Variants in CTNNA3 observed in about 807,000 individuals in gnomAD.
CTNNA3 encodes catenin alpha-3.
In CTNNA3, 76 loss-of-function variants were observed where a neutral mutation model predicts 95.7. The ratio of observed to expected loss-of-function variants is 0.79; its 90% confidence interval spans 0.66 to 0.96. The LOEUF (loss-of-function observed/expected upper bound fraction) is 0.96, where lower values mean the gene tolerates loss of function less well. Ranked by LOEUF, CTNNA3 falls within the 40% of genes least tolerant of loss-of-function variation. The probability of loss-of-function intolerance (pLI) is 0.00; values close to 1 mark genes in which losing one functional copy is unlikely to be tolerated. For synonymous variants in CTNNA3, 431 were observed against 374.4 expected (o/e 1.15, Z -1.74); for missense variants, 1,191 against 1,089.8 (o/e 1.09, Z -1.31).
chr10:67,283,610 T>A (rs1244592828), intron 5 of CTNNA3, among the ~76,000 whole-genome samples: 1 of 152,140 alleles, frequency 6.6e-6, no homozygotes, highest in Non-Finnish European at 1.5e-5. Flanking sequence ...ATGAAATGTA[T>A]AAAATCCTAA....
intron 13 of CTNNA3, among the ~76,000 whole-genome samples, chr10:66,233,550 A>G (rs2089696917): frequency 6.6e-6 from 1 of 152,190 alleles, no homozygotes. Flanking sequence ...CATGATCAAT[A>G]AACACATAAA....
At chr10:67,098,768 G>A (rs958062888) in intron 7 of CTNNA3, 4 of 151,996 alleles carry the variant, frequency 2.6e-5, no homozygotes, top group African/African-American at 9.7e-5. Flanking sequence ...AGGCCAAGGT[G>A]GGAGTATAGT....
intron 11 of CTNNA3, among the ~76,000 whole-genome samples, chr10:66,477,245 G>T (rs1200046668): frequency 6.6e-6 from 1 of 151,998 alleles, no homozygotes; most frequent in South Asian, 2.1e-4. Context: ...AACTAAAATG[G>T]CATTTCTGGG....
intron 7 of CTNNA3, among the ~76,000 whole-genome samples, chr10:66,800,607 T>C (rs75556860): frequency 0.015 from 2,246 of 151,250 alleles, 17 homozygotes; most frequent in Admixed American, 0.025. Context: ...CTAATAAATT[T>C]GAAGGTATTG....
chr10:67,389,574 A>G (rs552576240), intron 5 of CTNNA3, among the ~76,000 whole-genome samples: 4 of 151,624 alleles, frequency 2.6e-5, no homozygotes, highest in African/African-American at 9.7e-5. Flanking sequence ...AGACATCTAC[A>G]GAACTCTCCA....
intron 7 of CTNNA3, among the ~76,000 whole-genome samples, chr10:67,074,178 A>G (rs1429255682): frequency 6.6e-6 from 1 of 150,732 alleles, no homozygotes; most frequent in African/African-American, 2.4e-5. Context: ...GACTATAGGC[A>G]CGTGCCACCA....
chr10:66,572,212 G>A (rs1280728935), intron 10 of CTNNA3, among the ~76,000 whole-genome samples: 3 of 151,706 alleles, frequency 2.0e-5, no homozygotes, highest in Admixed American at 6.6e-5. Context: ...GTGAAACCCC[G>A]TCTCTACTAA....
chr10:66,520,079 T>C (rs1458819066), intron 11 of CTNNA3, among the ~76,000 whole-genome samples: 1 of 152,030 alleles, frequency 6.6e-6, no homozygotes, highest in South Asian at 2.1e-4. Flanking sequence ...ATAGACTCAG[T>C]GTAAATTGTT....
intron 5 of CTNNA3, among the ~76,000 whole-genome samples, chr10:67,465,455 C>A (rs1160781224): frequency 5.9e-5 from 9 of 152,060 alleles, no homozygotes; most frequent in Non-Finnish European, 1.3e-4. Context: ...AGGCTAGAAT[C>A]AACTTTTCTA....
chr10:67,107,054 A>G (rs1240070694), intron 7 of CTNNA3, among the ~76,000 whole-genome samples: 1 of 152,242 alleles, frequency 6.6e-6, no homozygotes, highest in African/African-American at 2.4e-5. Context: ...TCAAGGCAAA[A>G]GTGATAAATG....
At chr10:66,657,930 G>A (rs1043346499) in intron 9 of CTNNA3, among the ~76,000 whole-genome samples, 2 of 152,160 alleles carry the variant, frequency 1.3e-5, no homozygotes, top group African/African-American at 4.8e-5. Flanking sequence ...TTACACTTAA[G>A]TCCTTGTACT....
In CTNNA3 at chr10:66,429,563, T is replaced by C. The variant is rs145527966; in HGVS notation, c.1532-50211A>G. 0.018 allele frequency among the ~76,000 whole-genome samples: 2,765 copies of C among 152,280 alleles called. 199 individuals are homozygous for C. In the East Asian group the frequency reaches 0.24, roughly 13 times the overall value. On this transcript the variant is annotated intron_variant, in intron 11 of 17. Coordinates refer to ENST00000433211, the MANE Select transcript of CTNNA3 (RefSeq NM_013266.4). ...AAAAAGCTTATCCACCACGATCAAGTTGGCTTCATCCCTGGGATGCAAGGC... is the reference window on the plus strand; with the variant it reads ...AAAAAGCTTATCCACCACGATCAAGCTGGCTTCATCCCTGGGATGCAAGGC...
At chr10:67,497,789 T>C (rs1839076633) in intron 5 of CTNNA3, among the ~76,000 whole-genome samples, 1 of 152,220 alleles carries the variant, frequency 6.6e-6, no homozygotes, top group Non-Finnish European at 1.5e-5. Flanking sequence ...TGTTTGTTTG[T>C]TTCTTGTAAA....
At chr10:67,213,956 T>C (rs1265844130) in intron 6 of CTNNA3, among the ~76,000 whole-genome samples, 2 of 151,828 alleles carry the variant, frequency 1.3e-5, no homozygotes, top group African/African-American at 4.8e-5. Context: ...ATACCAGCTT[T>C]CTTCAGTTAG....
intron 13 of CTNNA3, among the ~76,000 whole-genome samples, chr10:66,226,748 T>C (rs2089307202): frequency 6.6e-6 from 1 of 152,068 alleles, no homozygotes; most frequent in Non-Finnish European, 1.5e-5. Context: ...TATTTTATAA[T>C]TTTCATTGTA....
intron 9 of CTNNA3, among the ~76,000 whole-genome samples, chr10:66,647,289 G>A (rs1394466538): frequency 6.6e-6 from 1 of 151,900 alleles, no homozygotes; most frequent in Non-Finnish European, 1.5e-5. Context: ...TTGCTTTCAG[G>A]GTCCCATAGT....
At chr10:66,632,138 C>A (rs1412375111) in intron 9 of CTNNA3, among the ~76,000 whole-genome samples, 1 of 151,908 alleles carries the variant, frequency 6.6e-6, no homozygotes, top group Admixed American at 6.6e-5. Flanking sequence ...CTCAGTATTG[C>A]AAAATATAAT....
At chr10:67,042,899 T>C (rs114389835) in intron 7 of CTNNA3, among the ~76,000 whole-genome samples, 147 of 152,230 alleles carry the variant, frequency 9.7e-4, no homozygotes, top group African/African-American at 3.3e-3. Flanking sequence ...TTAACTATAT[T>C]TCCTGTAACA....
chr10:66,520,245 C>CTTTTTTTTTTTTTTTTTT (rs543882241), intron 11 of CTNNA3, among the ~76,000 whole-genome samples: 1 of 78,068 alleles, frequency 1.3e-5, no homozygotes, highest in Non-Finnish European at 2.3e-5. Flanking sequence ...TAGTATTATT[C>CTTTTTTTTTTTTTTTTTT]TTTTTTTTTT....
Sources: gnomAD v4.1 joint callset for allele counts (sites outside exome capture counted in the v4.1 genomes callset) on GRCh38, gnomAD v4.1.1 for gene constraint, MANE v1.5 for transcripts, NCBI Gene and HGNC (gene_info 2026-07-23, HGNC 2026-07-21) for gene names.